Variants in B4GALNT3 observed in about 807,000 individuals in gnomAD.
The protein encoded by B4GALNT3 is beta-1,4-N-acetyl-galactosaminyltransferase 3, also known as beta-1,4-N-acetylgalactosaminyltransferase 3.
A neutral mutation model predicts 120.2 loss-of-function variants in B4GALNT3; 86 were observed. That is an observed-to-expected ratio of 0.72 (90% CI 0.60 to 0.86). The LOEUF (loss-of-function observed/expected upper bound fraction) is 0.86. Among genes scored for constraint, B4GALNT3 ranks in the 40% least tolerant of loss-of-function variants. The pLI, the probability that B4GALNT3 is intolerant of heterozygous loss-of-function variation, is 0.00. For synonymous variants in B4GALNT3, 518 were observed against 510.4 expected, an observed-to-expected ratio of 1.01 and a Z score of -0.20; for missense variants, 1,167 against 1,298.9, an observed-to-expected ratio of 0.90 and a Z score of 1.56.
At chr12:525,624 C>T (rs1179677274) in intron 1 of B4GALNT3, among the ~76,000 whole-genome samples, 2 of 152,174 alleles carry the variant, frequency 1.3e-5, no homozygotes, top group African/African-American at 4.8e-5. Context: ...GAAACCGCCT[C>T]CCTCCTCAAG....
chr12:522,903 C>CTCTGCA (rs1202873215), intron 1 of B4GALNT3, among the ~76,000 whole-genome samples: 1 of 134,006 alleles, frequency 7.5e-6, no homozygotes, highest in Non-Finnish European at 1.5e-5. Context: ...CACCACTGTA[C>CTCTGCA]TCTGCACTCC....
intron 1 of B4GALNT3, among the ~76,000 whole-genome samples, chr12:512,264 CA>C: frequency 1.1e-5 from 1 of 92,192 alleles, no homozygotes; most frequent in Non-Finnish European, 2.0e-5. Context: ...CACCTTCTTC[CA>C]CCTTCTTCCA....
intron 1 of B4GALNT3, among the ~76,000 whole-genome samples, chr12:530,195 C>T (rs1242416051): frequency 1.3e-5 from 2 of 152,264 alleles, no homozygotes; most frequent in Admixed American, 6.5e-5. Flanking sequence ...GAAGTTTGAG[C>T]GTTGCTATGT....
intron 1 of B4GALNT3, among the ~76,000 whole-genome samples, chr12:470,156 C>T (rs1236719942): frequency 2.0e-5 from 3 of 152,176 alleles, no homozygotes; most frequent in African/African-American, 7.2e-5. Context: ...AAGGGACAGT[C>T]GGAAGGGAAT....
rs1002501080 is a variant in B4GALNT3, at chr12:553,299, C to G, written c.1376C>G (p.Pro459Arg). 1 of 1,613,514 alleles carries G rather than the reference C, an allele frequency of 6.2e-7. No individual in the cohort carries two copies. Among genetic ancestry groups the G allele is most frequent in the African/African-American group, 1.3e-5 (1 of 74,936 alleles). Residue 459 changes from proline (P) to arginine (R), a missense_variant, in exon 14 of 20, where the codon CCT becomes CGT. Around this residue, in one of 3 missense-constraint regions of B4GALNT3, gnomAD observed 983 missense variants for 1,102.5 expected, o/e 0.89. Coordinates refer to ENST00000266383, the MANE Select transcript of B4GALNT3 (RefSeq NM_173593.4). ...AGGATGCTTGAGGGAAGACAGACAC[C>G]TGCCTCCACCCTGGAGCAAGATGCC... Reference protein sequence around the residue: ...NARMLEGRQTPASTLEQDATD... With the variant: ...NARMLEGRQTRASTLEQDATD...
intron 1 of B4GALNT3, among the ~76,000 whole-genome samples, chr12:498,049 C>T (rs1433637929): frequency 6.6e-6 from 1 of 152,128 alleles, no homozygotes; most frequent in African/African-American, 2.4e-5. Flanking sequence ...ATAAACAAAC[C>T]TTCCTCTACT....
At chr12:511,799 CCTTCTTCCACCTT>C (rs1946570857) in intron 1 of B4GALNT3, among the ~76,000 whole-genome samples, 13 of 61,698 alleles carry the variant, frequency 2.1e-4, no homozygotes, top group Admixed American at 3.6e-4. Context: ...CCACCTTCCA[CCTTCTTCCACCTT>C]CTTCCACCTT....
intron 1 of B4GALNT3, among the ~76,000 whole-genome samples, chr12:523,233 C>T (rs958556481): frequency 1.3e-5 from 2 of 152,138 alleles, no homozygotes; most frequent in Admixed American, 6.5e-5. Flanking sequence ...GATGCCTAAT[C>T]GGTTCTAGCA....
chr12:527,827 A>G (rs1295415447), intron 1 of B4GALNT3, among the ~76,000 whole-genome samples: 2 of 152,128 alleles, frequency 1.3e-5, no homozygotes, highest in Non-Finnish European at 2.9e-5. Context: ...GGACCGTGGG[A>G]CAATAGAGTT....
At chr12:504,456 C>G (rs968544818) in intron 1 of B4GALNT3, among the ~76,000 whole-genome samples, 23 of 151,004 alleles carry the variant, frequency 1.5e-4, no homozygotes, top group African/African-American at 2.4e-4. Flanking sequence ...GCCGCCCCCC[C>G]GCCCCCGAAC....
chr12:515,311 C>T (rs1446906350), intron 1 of B4GALNT3, among the ~76,000 whole-genome samples: 3 of 151,988 alleles, frequency 2.0e-5, no homozygotes, highest in Non-Finnish European at 2.9e-5. Context: ...CTCAGCCTCC[C>T]GAGTACTGAG....
intron 1 of B4GALNT3, among the ~76,000 whole-genome samples, chr12:499,571 C>T (rs1486236217): frequency 2.3e-5 from 3 of 132,618 alleles, no homozygotes; most frequent in Non-Finnish European, 4.5e-5. Flanking sequence ...CCGTGGAGCC[C>T]GTGCTCTCAC....
At position 489,326 on chromosome 12, in the gene B4GALNT3, TAA is replaced by T. The variant is rs200845116; in HGVS notation, c.169+28795_169+28796del. On this transcript the variant is annotated intron_variant, in intron 1 of 19. Coordinates refer to ENST00000266383, the MANE Select transcript of B4GALNT3 (RefSeq NM_173593.4). ...TGTTCTGCACATGTATCCCAGAACT[TAA>T]AAAAAAAAAAAAACCCACAAAATAC... Among the ~76,000 whole-genome samples the T allele has an allele frequency of 2.1e-4, 24 of 112,690 alleles. 1 individual carries two copies. Among genetic ancestry groups the T allele is most frequent in the African/African-American group, 5.8e-4 (18 of 31,034 alleles). The allele number at this position is 112,690 out of a possible 152,430, so 73.9% of individuals were successfully genotyped here.
At chr12:504,912 T>C (rs1189018915) in intron 1 of B4GALNT3, among the ~76,000 whole-genome samples, 5 of 150,826 alleles carry the variant, frequency 3.3e-5, no homozygotes, top group Non-Finnish European at 4.4e-5. Context: ...TTTTTTGAGA[T>C]GGAGTTTCGC....
At chr12:478,250 TAAAAAA>T (rs34616848) in intron 1 of B4GALNT3, among the ~76,000 whole-genome samples, 156 of 86,896 alleles carry the variant, frequency 1.8e-3, no homozygotes, top group African/African-American at 7.5e-3. Flanking sequence ...ACTCTGTCTT[TAAAAAA>T]AAAAAAAAAA....
chr12:481,763 G>T (rs1001129453), intron 1 of B4GALNT3, among the ~76,000 whole-genome samples: 1 of 152,150 alleles, frequency 6.6e-6, no homozygotes, highest in Non-Finnish European at 1.5e-5. Flanking sequence ...TGGACACAGC[G>T]CTCCAGGTCT....
intron 1 of B4GALNT3, among the ~76,000 whole-genome samples, chr12:473,510 T>C (rs1946156591): frequency 6.6e-6 from 1 of 152,174 alleles, no homozygotes; most frequent in Non-Finnish European, 1.5e-5. Context: ...GTTGTGGGTT[T>C]CATACGTGGG....
rs758047535 is a variant in B4GALNT3 at position 557,738 on chromosome 12, A to G, written c.2511A>G (p.Ala837=). ...GTGAGGACATGGATGTTGAGATGGC[A>G]CTGAAGAGGTCCAAGCTGCGGAGGT... ...YSSEDMDVEM[A]LKRSKLRSYQ... The change falls in exon 16 of 20, where the codon GCA becomes GCG. Residue 837 remains alanine, a synonymous_variant. Transcript: ENST00000266383. 1.2e-6 allele frequency: 2 copies of G among 1,604,596 alleles called. No individual in the cohort carries two copies. The highest frequency in any genetic ancestry group is 1.7e-5 in the Admixed American group (1 of 57,226).
rs1291757145 is a variant in B4GALNT3 at position 548,929 on chromosome 12, A to T, written c.853+632A>T. On this transcript the variant is annotated intron_variant, in intron 9 of 19. Transcript: ENST00000266383. The surrounding 1 kb of genome is among the most constrained non-coding windows in gnomAD (Gnocchi z 4.9). ...AAAGCAAAACAAAACAACACAAAAA[A>T]ACCCTCTGAGCGAGTCCAATCCCCT... 6.6e-6 allele frequency among the ~76,000 whole-genome samples: 1 copy of T among 152,016 alleles called. No homozygotes were observed. Among genetic ancestry groups the T allele is most frequent in the African/African-American group, 2.4e-5 (1 of 41,366 alleles).
Sources: gnomAD v4.1 joint callset for allele counts (sites outside exome capture counted in the v4.1 genomes callset) on GRCh38, gnomAD v4.1.1 for gene constraint, gnomAD v4.1.1 regional missense constraint, Gnocchi (gnomAD v3.1) non-coding constraint, MANE v1.5 for transcripts, NCBI Gene and HGNC (gene_info 2026-07-23, HGNC 2026-07-21) for gene names.